Variants in METTL25 observed in about 807,000 individuals in gnomAD.
The protein encoded by METTL25 is probable methyltransferase-like protein 25.
METTL25 carries 64 observed loss-of-function variants against 71.6 expected under a neutral mutation model. The ratio of observed to expected loss-of-function variants is 0.89; its 90% CI spans 0.73 to 1.10. METTL25 has a LOEUF of 1.10. Among genes scored for constraint, METTL25 ranks in the 50% least tolerant of loss-of-function variants. METTL25 has a pLI of 0.00. For missense variants in METTL25, 807 were observed against 707.0 expected, an observed-to-expected ratio of 1.14 and a Z score of -1.60; for synonymous variants, 287 against 250.3, an observed-to-expected ratio of 1.15 and a Z score of -1.38.
chr12:82,379,355 A>G (rs2136907964), intron 1 of METTL25, among the ~76,000 whole-genome samples: 1 of 152,338 alleles, frequency 6.6e-6, no homozygotes, highest in African/African-American at 2.4e-5. Flanking sequence ...ATCACTTTTT[A>G]ACATTTTACA....
Position 82,376,999 on chromosome 12 carries a change from G to A in METTL25, c.260-9804G>A, listed in dbSNP as rs1883937277. ...GTGGTGGCGGGCACCTGTAATCCCA[G>A]CTACTTGGGAGGCTGAGTCAGGAGA... On this transcript the variant is annotated intron_variant, in intron 1 of 11. Coordinates refer to ENST00000248306, the MANE Select transcript of METTL25 (RefSeq NM_032230.3). 1.3e-5 allele frequency among the ~76,000 whole-genome samples: 2 copies of A among 151,982 alleles called. 1 individual carries two copies. The highest frequency in any genetic ancestry group is 4.1e-4 in the South Asian group (2 of 4,820).
chr12:82,455,277 T>C (rs1385560100), intron 8 of METTL25, among the ~76,000 whole-genome samples: 2 of 151,848 alleles, frequency 1.3e-5, no homozygotes, highest in Admixed American at 6.6e-5. Flanking sequence ...ACATAAGATA[T>C]ATATCTATTA....
chr12:82,462,199 T>G (rs1891926450), intron 9 of METTL25, among the ~76,000 whole-genome samples: 2 of 152,192 alleles, frequency 1.3e-5, no homozygotes, highest in African/African-American at 4.8e-5. Flanking sequence ...AATGCCTTCC[T>G]TTTATCTTCA....
chr12:82,385,654 C>A (rs1356236152), intron 1 of METTL25, among the ~76,000 whole-genome samples: 1 of 152,104 alleles, frequency 6.6e-6, no homozygotes, highest in East Asian at 1.9e-4. Context: ...TGAGATTGAA[C>A]TAATCTGTCA....
At chr12:82,442,500 T>C (rs1386481624) in intron 8 of METTL25, among the ~76,000 whole-genome samples, 1 of 152,162 alleles carries the variant, frequency 6.6e-6, no homozygotes, top group Non-Finnish European at 1.5e-5. Context: ...ACCATATGAT[T>C]CTATTTATAT....
chr12:82,434,623 C>T, intron 6 of METTL25, 72 bp from the exon 7 acceptor site: 1 of 1,248,160 alleles, frequency 8.0e-7, no homozygotes, highest in Non-Finnish European at 1.2e-6. Context: ...TTTACAAACT[C>T]TTATACAGTG....
chr12:82,370,362 G>A (rs897652032), intron 1 of METTL25, among the ~76,000 whole-genome samples: 1 of 152,176 alleles, frequency 6.6e-6, no homozygotes, highest in Non-Finnish European at 1.5e-5. Flanking sequence ...GGCTGCCACG[G>A]GACCTAGAAA....
intron 1 of METTL25, among the ~76,000 whole-genome samples, chr12:82,373,790 C>A (rs1401176890): frequency 6.6e-6 from 1 of 152,208 alleles, no homozygotes; most frequent in South Asian, 2.1e-4. Context: ...GTGCTCCCAA[C>A]TCCAAAGAGC....
At chr12:82,438,638 T>C in intron 7 of METTL25, 80 bp from the exon 8 acceptor site, 1 of 842,932 alleles carries the variant, frequency 1.2e-6, no homozygotes, top group Non-Finnish European at 1.7e-6. Context: ...GACAGTCACG[T>C]GTGGTTCCAA....
chr12:82,405,396 A>G (rs929427127), intron 5 of METTL25, among the ~76,000 whole-genome samples: 1 of 152,152 alleles, frequency 6.6e-6, no homozygotes, highest in Non-Finnish European at 1.5e-5. Flanking sequence ...TTTGTAAAAT[A>G]TGTAAATAGA....
intron 5 of METTL25, among the ~76,000 whole-genome samples, chr12:82,426,895 CACTT>C (rs1305759038): frequency 1.3e-5 from 2 of 151,984 alleles, no homozygotes; most frequent in Non-Finnish European, 2.9e-5. Context: ...TCTACCACAA[CACTT>C]ACAGCTTCAC....
At position 82,358,633 on chromosome 12, in the gene METTL25, T is replaced by G. The variant is rs370102925; in HGVS notation, c.68T>G (p.Leu23Arg). ...LPTLRAKLQG[L>R]LQFLRDALSI... ...ACGCTGCGTGCCAAGTTGCAGGGAC[T>G]GCTGCAGTTCCTGAGGGATGCCCTG... Residue 23 changes from leucine to arginine, a missense_variant, in exon 1 of 12, where the codon CTG becomes CGG. By Grantham distance (102) the Leu-to-Arg change is moderately radical. Coordinates refer to ENST00000248306, the MANE Select transcript of METTL25 (RefSeq NM_032230.3). 6.2e-7 allele frequency: 1 copy of G among 1,613,986 alleles called. No individual in the cohort carries two copies. The highest frequency in any genetic ancestry group is 8.5e-7 in the Non-Finnish European group (1 of 1,180,046).
intron 1 of METTL25, among the ~76,000 whole-genome samples, chr12:82,377,651 G>T (rs1265162658): frequency 6.6e-6 from 1 of 152,136 alleles, no homozygotes; most frequent in Non-Finnish European, 1.5e-5. Context: ...TAGTTTTTCT[G>T]CTTTGAATAT....
Position 82,478,953 on chromosome 12 carries a change from C to T in METTL25, c.1741C>T (p.Leu581Phe). The change falls in exon 12 of 12, where the codon CTT becomes TTT. Residue 581 changes from leucine (L) to phenylalanine (F), a missense_variant. Coordinates refer to ENST00000248306, the MANE Select transcript of METTL25 (RefSeq NM_032230.3). ...KEQEDIAWSA[L>F]VKLFDPVKSP... ...ACAGGAAGATATTGCATGGTCTGCT[C>T]TTGTGAAGTTGTTTGATCCCGTGAA... 1 of 1,612,384 alleles carries T rather than the reference C, an allele frequency of 6.2e-7. No homozygotes were observed. Among genetic ancestry groups the T allele is most frequent in the African/African-American group, 1.3e-5 (1 of 74,962 alleles).
chr12:82,421,310 T>A (rs1188620251), intron 5 of METTL25, among the ~76,000 whole-genome samples: 17 of 152,136 alleles, frequency 1.1e-4, no homozygotes. Context: ...AATTTATAGA[T>A]TTGAGGAAAA....
At chr12:82,400,940 T>A (rs989814990) in intron 4 of METTL25, among the ~76,000 whole-genome samples, 6 of 152,168 alleles carry the variant, frequency 3.9e-5, no homozygotes, top group Non-Finnish European at 7.4e-5. Context: ...AGAGCTAAAT[T>A]AAGCTTAAAG....
chr12:82,361,665 T>G (rs1881931932), intron 1 of METTL25, among the ~76,000 whole-genome samples: 1 of 152,168 alleles, frequency 6.6e-6, no homozygotes, highest in East Asian at 1.9e-4. Context: ...TCCTGGGTGC[T>G]AAGCTCCTCA....
At chr12:82,405,149 C>G (rs1333637253) in intron 5 of METTL25, among the ~76,000 whole-genome samples, 1 of 152,148 alleles carries the variant, frequency 6.6e-6, no homozygotes, top group African/African-American at 2.4e-5. Flanking sequence ...TCACTCTGTA[C>G]TGTGAAGTCT....
At position 82,479,023 on chromosome 12, in the gene METTL25, G is replaced by T; in HGVS notation, c.1811G>T (p.Ter604LeuextTer13). ...YAVIALKKQQ[*>L] ...GTTATTGCCCTGAAGAAGCAGCAGT[G>T]ATTTCCATTGAAGCAAATTATTAGA... The change falls in exon 12 of 12, where the codon TGA (stop) becomes TTA (leucine). Residue 604 changes from the stop codon to leucine, a stop_lost. Coordinates refer to ENST00000248306, the MANE Select transcript of METTL25 (RefSeq NM_032230.3). The T allele has an allele frequency of 6.2e-7, 1 of 1,611,214 alleles. No individual in the cohort carries two copies. The highest frequency in any genetic ancestry group is 8.5e-7 in the Non-Finnish European group (1 of 1,177,964).
Sources: gnomAD v4.1 joint callset for allele counts (sites outside exome capture counted in the v4.1 genomes callset) on GRCh38, gnomAD v4.1.1 for gene constraint, MANE v1.5 for transcripts, NCBI Gene and HGNC (gene_info 2026-07-23, HGNC 2026-07-21) for gene names.